TSHZ3: variants seen among roughly 807,000 people sequenced by gnomAD.
TSHZ3 encodes the protein teashirt zinc finger homeobox 3.
In TSHZ3, 10 loss-of-function variants were observed where a neutral mutation model predicts 64.5. The ratio of observed to expected loss-of-function variants is 0.16; its 90% CI spans 0.10 to 0.26. The LOEUF (loss-of-function observed/expected upper bound fraction) is 0.26. TSHZ3 is among the 10% of genes least tolerant of loss of function. TSHZ3 has a pLI of 1.00. For missense variants in TSHZ3, 1,242 were observed against 1,421.7 expected, an observed-to-expected ratio of 0.87 and a Z score of 2.03; for synonymous variants, 608 against 593.1, an observed-to-expected ratio of 1.03 and a Z score of -0.36.
intron 5 of TSHZ3, among the ~76,000 whole-genome samples, chr19:31,156,495 A>G (rs934396668): frequency 2.6e-5 from 4 of 152,216 alleles, no homozygotes; most frequent in Non-Finnish European, 4.4e-5. Flanking sequence ...GAGCAGGAGC[A>G]GATATCAGCC....
chr19:31,232,283 G>GA (rs1229656260), intron 3 of TSHZ3, among the ~76,000 whole-genome samples: 3 of 151,832 alleles, frequency 2.0e-5, no homozygotes, highest in African/African-American at 7.3e-5. Flanking sequence ...ATTGCTGGCT[G>GA]AAAAAAAAGT....
chr19:31,303,530 T>C (rs1259875544), intron 1 of TSHZ3, among the ~76,000 whole-genome samples: 1 of 151,310 alleles, frequency 6.6e-6, no homozygotes, highest in Non-Finnish European at 1.5e-5. Context: ...ACCATCTCGG[T>C]GGGGTGGCTG....
At chr19:31,315,049 C>T (rs192950851) in intron 1 of TSHZ3, among the ~76,000 whole-genome samples, 129 of 152,322 alleles carry the variant, frequency 8.5e-4, no homozygotes, top group Middle Eastern at 3.4e-3. Context: ...CTGCACTGGA[C>T]ACTTCTGTCC....
intron 5 of TSHZ3, chr19:31,195,525 A>T (rs1027413657): frequency 9.3e-5 from 14 of 151,038 alleles, no homozygotes; most frequent in African/African-American, 3.4e-4. Flanking sequence ...GGAGAAATAG[A>T]CTTTTTATAC....
At chr19:31,335,728 C>A in intron 1 of TSHZ3, among the ~76,000 whole-genome samples, 1 of 152,216 alleles carries the variant, frequency 6.6e-6, no homozygotes, top group East Asian at 1.9e-4. Flanking sequence ...GGTGAGACCT[C>A]TGTGAGGGTA....
chr19:31,326,989 C>G (rs1402604769), intron 1 of TSHZ3, among the ~76,000 whole-genome samples: 1 of 152,094 alleles, frequency 6.6e-6, no homozygotes, highest in Non-Finnish European at 1.5e-5. Flanking sequence ...GAGAAGGCAT[C>G]CTGGAGAGAA....
At chr19:31,169,788 G>T (rs950332865) in intron 5 of TSHZ3, among the ~76,000 whole-genome samples, 1 of 152,148 alleles carries the variant, frequency 6.6e-6, no homozygotes, top group South Asian at 2.1e-4. Flanking sequence ...GATGTGCAAA[G>T]TTCCAAAGAC....
At chr19:31,204,352 G>A (rs541293614) in intron 5 of TSHZ3, among the ~76,000 whole-genome samples, 46 of 135,696 alleles carry the variant, frequency 3.4e-4, no homozygotes, top group Non-Finnish European at 4.8e-4. Context: ...CTTCCCTCCC[G>A]TCCTTCCTCT....
chr19:31,291,601 TCACAGGACAAAAAC>T (rs1976566677), intron 1 of TSHZ3, among the ~76,000 whole-genome samples: 1 of 152,164 alleles, frequency 6.6e-6, no homozygotes, highest in Non-Finnish European at 1.5e-5. Context: ...AAGGAGGCAT[TCACAGGACAAAAAC>T]CACTGCCTCA....
intron 3 of TSHZ3, among the ~76,000 whole-genome samples, chr19:31,238,466 G>T (rs1011421683): frequency 6.6e-6 from 1 of 152,106 alleles, no homozygotes; most frequent in Non-Finnish European, 1.5e-5. Flanking sequence ...ATGTTGGCCA[G>T]GCTGGTCTTG....
chr19:31,149,895 G>A (rs1974217412), downstream of TSHZ3, among the ~76,000 whole-genome samples: 1 of 152,168 alleles, frequency 6.6e-6, no homozygotes, highest in African/African-American at 2.4e-5. Context: ...ATCATAGAGG[G>A]TCATGTTAGG....
intron 6 of TSHZ3, among the ~76,000 whole-genome samples, chr19:31,152,133 A>C (rs763098964): frequency 5.3e-5 from 8 of 152,168 alleles, no homozygotes; most frequent in Non-Finnish European, 1.2e-4. Flanking sequence ...CTTAAAAAAA[A>C]AAGAAAAAGA....
chr19:31,160,637 T>C (rs1974363271), intron 5 of TSHZ3, among the ~76,000 whole-genome samples: 2 of 151,844 alleles, frequency 1.3e-5, no homozygotes, highest in Non-Finnish European at 2.9e-5. Flanking sequence ...GCCACACACA[T>C]ATTCGCACAC....
Position 31,277,367 on chromosome 19 carries a change from G to A in TSHZ3, c.2426C>T (p.Ser809Leu). ...KGCSLGSVLL[S>L]PTSTAPATSS... ...GGTTGCCGGGGCTGTGGACGTGGGT[G>A]ACAGAAGCACTGAACCCAAGGAGCA... Residue 809 changes from serine (S) to leucine (L), a missense_variant, in exon 2 of 2, where the codon TCA becomes TTA. Physicochemically the swap from Ser to Leu is moderately radical, Grantham distance 145. This residue lies in a region of TSHZ3 where 550 missense variants were observed against 545.1 expected (regional missense o/e 1.01). Transcript: ENST00000240587. This position sits in a 1 kb window ranked among gnomAD's most constrained non-coding sequence, Gnocchi z 4.5. The A allele has an allele frequency of 1.2e-6, 2 of 1,614,140 alleles. No homozygotes were observed. The highest frequency in any genetic ancestry group is 1.7e-6 in the Non-Finnish European group (2 of 1,179,962).
intron 1 of TSHZ3, among the ~76,000 whole-genome samples, chr19:31,289,212 C>A (rs1976519287): frequency 6.6e-6 from 1 of 152,202 alleles, no homozygotes; most frequent in African/African-American, 2.4e-5. Context: ...CAGGGGATGA[C>A]CCCTAGGCTC....
chr19:31,325,144 G>A (rs147072524), intron 1 of TSHZ3, among the ~76,000 whole-genome samples: 2 of 152,300 alleles, frequency 1.3e-5, no homozygotes, highest in East Asian at 1.9e-4. Context: ...TCTGTGTCTT[G>A]GCCGTTGGGC....
At chr19:31,164,061 G>A (rs1200630838) in intron 5 of TSHZ3, among the ~76,000 whole-genome samples, 2 of 152,196 alleles carry the variant, frequency 1.3e-5, no homozygotes, top group African/African-American at 2.4e-5. Context: ...GGAGTCTCAC[G>A]TGAGCGGCTG....
intron 6 of TSHZ3, among the ~76,000 whole-genome samples, chr19:31,153,786 T>C (rs2145095924): frequency 6.6e-6 from 1 of 152,338 alleles, no homozygotes; most frequent in Non-Finnish European, 1.5e-5. Context: ...TTGTTGACTG[T>C]TAGGTAATTT....
intron 4 of TSHZ3, among the ~76,000 whole-genome samples, chr19:31,219,635 T>C (rs1975374305): frequency 6.6e-6 from 1 of 151,942 alleles, no homozygotes. Flanking sequence ...TAATTTTATT[T>C]AATTTTTTAA....
Sources: allele counts gnomAD v4.1 joint callset (sites outside exome capture counted in the v4.1 genomes callset), GRCh38; gene constraint gnomAD v4.1.1; regional missense constraint gnomAD v4.1.1; non-coding constraint Gnocchi (gnomAD v3.1); transcripts MANE v1.5; gene names NCBI Gene and HGNC (gene_info 2026-07-23, HGNC 2026-07-21).